KLHL33: variants seen among roughly 807,000 people sequenced by gnomAD.
KLHL33 encodes kelch like family member 33.
A neutral mutation model predicts 60.8 loss-of-function variants in KLHL33; 46 were observed. That is an observed-to-expected ratio of 0.76 (90% CI 0.60 to 0.97). The LOEUF is 0.97. Among genes scored for constraint, KLHL33 ranks in the 50% least tolerant of loss-of-function variants. KLHL33 has a pLI of 0.00. For synonymous variants in KLHL33, 434 were observed against 432.2 expected (o/e 1.00, Z -0.05); for missense variants, 1,055 against 1,000.0 (o/e 1.05, Z -0.74).
Position 20,435,626 on chromosome 14 carries a change from T to G in KLHL33, c.186A>C (p.Pro62=). 8.1e-7 allele frequency: 1 copy of G among 1,234,530 alleles called. No homozygotes were observed. The highest frequency in any genetic ancestry group is 3.2e-5 in the East Asian group (1 of 31,688). The allele number at this position is 1,234,530 out of a possible 1,614,324, so 76.5% of individuals were successfully genotyped here. Residue 62 remains proline, a synonymous_variant, in exon 2 of 5, where the codon CCA becomes CCC. Transcript: ENST00000636854. ...LEEPGSRPLV[P]RNLPFPALSL... The stretch of plus-strand genomic sequence containing the variant: ...ACAAGGCTGGAAAGGGAAGGTTCCT[T>G]GGGACCAGGGGCCTGGAACCAGGCT...
rs746483667 is a variant in KLHL33, at chr14:20,430,050, C to G, written c.1418G>C (p.Arg473Pro). ...ATCCCCGCCAATCACTACCAGTGCCCGGTCAGGCTCCCTCCGTCTCTCTTG... is the reference window on the plus strand; with the variant it reads ...ATCCCCGCCAATCACTACCAGTGCCGGGTCAGGCTCCCTCCGTCTCTCTTG... ...PGQERRREPD[R>P]ALVVIGGDGL... The change falls in exon 3 of 5, where the codon CGG becomes CCG. Residue 473 changes from arginine (R) to proline (P), a missense_variant. Arg to Pro is a moderately radical substitution (Grantham distance 103). Transcript: ENST00000636854. 6.4e-7 allele frequency: 1 copy of G among 1,551,638 alleles called. No individual in the cohort carries two copies. The highest frequency in any genetic ancestry group is 2.4e-5 in the East Asian group (1 of 40,934).
Position 20,429,022 on chromosome 14 carries a change from T to C in KLHL33, c.2221A>G (p.Thr741Ala). The C allele has an allele frequency of 1.9e-6, 3 of 1,551,708 alleles. No individual in the cohort carries two copies. The highest frequency in any genetic ancestry group is 1.7e-6 in the Non-Finnish European group (2 of 1,146,990). ...TGGATAAGGTGAGAGAGGGCATAAGTACGGTGACTGTAGCCCCCGAGCACC... is the reference window on the plus strand; with the variant it reads ...TGGATAAGGTGAGAGAGGGCATAAGCACGGTGACTGTAGCCCCCGAGCACC... ...LLVLGGYSHR[T>A]YALSHLIHAY... Residue 741 changes from threonine (T) to alanine (A), a missense_variant, in exon 5 of 5, where the codon ACT becomes GCT. Physicochemically the swap from Thr to Ala is moderately conservative, Grantham distance 58. Coordinates refer to ENST00000636854, the MANE Select transcript of KLHL33 (RefSeq NM_001365790.2).
rs60172509 is a variant in KLHL33 at position 20,428,299 on chromosome 14, C to T, written c.*550G>A. 14,045 of 152,958 alleles carry T rather than the reference C, an allele frequency of 0.092. 708 individuals are homozygous for T. Among genetic ancestry groups the T allele is most frequent in the East Asian group, 0.19 (986 of 5,184 alleles). 9.5% of individuals were successfully genotyped at this position (152,958 alleles called of 1,614,324 possible). ...CAGCCTGTGGTGTCTCGCTGGGAAACGCTAGACCAGGCCTACAAAGTTACC... is the reference window on the plus strand; with the variant it reads ...CAGCCTGTGGTGTCTCGCTGGGAAATGCTAGACCAGGCCTACAAAGTTACC... On this transcript the variant is annotated 3_prime_UTR_variant, in exon 5 of 5. Transcript: ENST00000636854.
rs1294148404 is a variant in KLHL33 at position 20,426,648 on chromosome 14, G to A, written c.*2201C>T. On this transcript the variant is annotated 3_prime_UTR_variant, in exon 5 of 5. Coordinates refer to ENST00000636854, the MANE Select transcript of KLHL33 (RefSeq NM_001365790.2). ...GCGATTCCTCAGGGACCTAGAACTA[G>A]AAATACCATTTGACCCAGCCATCCC... 6.6e-6 allele frequency: 1 copy of A among 151,998 alleles called. No individual in the cohort carries two copies. Among genetic ancestry groups the A allele is most frequent in the Non-Finnish European group, 1.5e-5 (1 of 67,980 alleles). 9.4% of individuals were successfully genotyped at this position (151,998 alleles called of 1,614,324 possible). A position where few individuals can be genotyped will look rare whatever the true frequency, so the allele number is the denominator to read the frequency against.
chr14:20,433,626 C>G (rs1880591460), intron 2 of KLHL33, among the ~76,000 whole-genome samples: 1 of 152,208 alleles, frequency 6.6e-6, no homozygotes, highest in Admixed American at 6.5e-5. Context: ...TTACTCATTA[C>G]TATACCCTAG....
At position 20,430,032 on chromosome 14, in the gene KLHL33, C is replaced by G. The variant is rs1880444065; in HGVS notation, c.1436G>C (p.Gly479Ala). ...CATGTCTGGTCTGAGCCCATCCCCG[C>G]CAATCACTACCAGTGCCCGGTCAGG... ...REPDRALVVI[G>A]GDGLRPDMAL... is the part of the protein sequence containing the mutation. Residue 479 changes from glycine to alanine, a missense_variant, in exon 3 of 5, where the codon GGC (glycine) becomes GCC (alanine). Transcript: ENST00000636854. 6 of 1,551,768 alleles carry G rather than the reference C, an allele frequency of 3.9e-6. No homozygotes were observed. Among genetic ancestry groups the G allele is most frequent in the Non-Finnish European group, 4.4e-6 (5 of 1,147,006 alleles).
In KLHL33 at chr14:20,428,628, C is replaced by T. The variant is rs553413329; in HGVS notation, c.*221G>A. On this transcript the variant is annotated 3_prime_UTR_variant, in exon 5 of 5. Transcript: ENST00000636854. ...TTGCTCCCGAGTCTCCTTTCCTCAC[C>T]TGGGTATTCAGCTGCCTCCCCTTTC... 76 of 539,518 alleles carry T rather than the reference C, an allele frequency of 1.4e-4. 1 individual carries two copies. The highest frequency in any genetic ancestry group is 1.2e-3 in the African/African-American group (65 of 53,058). The allele number at this position is 539,518 out of a possible 1,614,324, so 33.4% of individuals were successfully genotyped here.
rs1421471584 is a variant in KLHL33 at position 20,435,264 on chromosome 14, G to A, written c.548C>T (p.Ala183Val). Reference protein sequence around the residue: ...LGPASQGDVLAAAEALGAPRV... With the variant: ...LGPASQGDVLVAAEALGAPRV... ...GGGCGCTCCCAGCGCCTCTGCTGCG[G>A]CCAGCACATCCCCCTGCGAGGCGGG... Residue 183 changes from alanine (A) to valine (V), a missense_variant, in exon 2 of 5, where the codon GCC becomes GTC. Ala to Val is a moderately conservative substitution (Grantham distance 64). Coordinates refer to ENST00000636854, the MANE Select transcript of KLHL33 (RefSeq NM_001365790.2). 1.2e-5 allele frequency: 15 copies of A among 1,234,450 alleles called. No individual in the cohort carries two copies. The highest frequency in any genetic ancestry group is 1.5e-5 in the Non-Finnish European group (15 of 988,244). The allele number at this position is 1,234,450 out of a possible 1,614,324, so 76.5% of individuals were successfully genotyped here. A position where few individuals can be genotyped will look rare whatever the true frequency, so the allele number is the denominator to read the frequency against.
chr14:20,429,887 C>G lies in KLHL33; in HGVS notation c.1581G>C (p.Arg527=). 2 of 1,551,984 alleles carry G rather than the reference C, an allele frequency of 1.3e-6. No homozygotes were observed. Among genetic ancestry groups the G allele is most frequent in the African/African-American group, 2.7e-5 (2 of 73,184 alleles). The change falls in exon 3 of 5, where the codon CGG becomes CGC. Residue 527 remains arginine, a synonymous_variant. Transcript: ENST00000636854. Reference sequence around the variant, plus strand: ...TTCCTGCCAGGCTTGCAGCCCCATGCCGGAAGCGTCCGGGGGCAGGCAGGG... The same window carrying G: ...TTCCTGCCAGGCTTGCAGCCCCATGGCGGAAGCGTCCGGGGGCAGGCAGGG... ...LPALPAPGRF[R]HGAASLAGSE...
rs1452818286 is a variant in KLHL33, at chr14:20,427,751, G to C, written c.*1098C>G. ...TGCCTCCTACAGTGCCTGCCACACA[G>C]TAGGTAATTAATAACTGTGTGAGGG... On this transcript the variant is annotated 3_prime_UTR_variant, in exon 5 of 5. Coordinates refer to ENST00000636854, the MANE Select transcript of KLHL33 (RefSeq NM_001365790.2). 1 of 152,210 alleles carries C rather than the reference G, an allele frequency of 6.6e-6. No homozygotes were observed. The highest frequency in any genetic ancestry group is 1.5e-5 in the Non-Finnish European group (1 of 68,058). The allele number at this position is 152,210 out of a possible 1,614,324, so 9.4% of individuals were successfully genotyped here.
chr14:20,432,921 CAAAA>C (rs1344054096), intron 2 of KLHL33, among the ~76,000 whole-genome samples: 4 of 10,790 alleles, frequency 3.7e-4, no homozygotes, highest in African/African-American at 9.5e-4. Flanking sequence ...GATTCCATCT[CAAAA>C]AAAAGAAAGA....
At chr14:20,431,319 G>C (rs1007943481) in intron 2 of KLHL33, among the ~76,000 whole-genome samples, 1 of 152,136 alleles carries the variant, frequency 6.6e-6, no homozygotes. Context: ...AATGTTTTCC[G>C]TGCGTCCCAG....
intron 2 of KLHL33, 139 bp downstream of exon 2, chr14:20,434,925 A>T: frequency 4.1e-6 from 3 of 728,712 alleles, no homozygotes; most frequent in Non-Finnish European, 5.7e-6. Context: ...CAGGAGAGGC[A>T]CCAAAGGCCA....
rs547784419 is a variant in KLHL33 at position 20,427,254 on chromosome 14, T to G, written c.*1595A>C. On this transcript the variant is annotated 3_prime_UTR_variant, in exon 5 of 5. Coordinates refer to ENST00000636854, the MANE Select transcript of KLHL33 (RefSeq NM_001365790.2). ...TTGACCTAAACACACACAAAAAAAC[T>G]GACCCTTTTTTGCTCTCAGCTGTCC... The G allele has an allele frequency of 6.9e-6, 1 of 145,308 alleles. No homozygotes were observed. Among genetic ancestry groups the G allele is most frequent in the Non-Finnish European group, 1.5e-5 (1 of 65,950 alleles). 9.0% of individuals were successfully genotyped at this position (145,308 alleles called of 1,614,324 possible). A position where few individuals can be genotyped will look rare whatever the true frequency, so the allele number is the denominator to read the frequency against.
In KLHL33 at chr14:20,428,889, G is replaced by A; in HGVS notation, c.2354C>T (p.Ala785Val). The change falls in exon 5 of 5, where the codon GCT becomes GTT. Residue 785 changes from alanine to valine, a missense_variant. Coordinates refer to ENST00000636854, the MANE Select transcript of KLHL33 (RefSeq NM_001365790.2). ...ILTLPAVQHIALVPTPHQTKP... is the reference protein window; with the variant it reads ...ILTLPAVQHIVLVPTPHQTKP... ...GGTTTGGTGTGGGGTGGGAACCAAA[G>A]CTATGTGCTGCACAGCGGGCAGTGT... The A allele has an allele frequency of 6.4e-7, 1 of 1,551,758 alleles. No individual in the cohort carries two copies. Among genetic ancestry groups the A allele is most frequent in the South Asian group, 1.2e-5 (1 of 84,060 alleles).
Position 20,430,349 on chromosome 14 carries a change from A to G in KLHL33, c.1119T>C (p.Pro373=). 1 of 1,551,944 alleles carries G rather than the reference A, an allele frequency of 6.4e-7. No homozygotes were observed. Among genetic ancestry groups the G allele is most frequent in the East Asian group, 2.4e-5 (1 of 40,928 alleles). The change falls in exon 3 of 5, where the codon CCT becomes CCC. Residue 373 remains proline, a synonymous_variant. Transcript: ENST00000636854. ...AGGCAGCTGGTAAAGAAGGGAAAGC[A>G]GGACACAAGGCTACAGCAGGCAGGT... The part of the protein sequence containing the change: ...LTHLPAVALC[P]AFPSLPAACL...
chr14:20,427,084 A>G lies in KLHL33; in HGVS notation c.*1765T>C, dbSNP rs1246866556. ...GCATTAGGAGATATACCTAATGCTA[A>G]ATGACGAGTTAATGGGTGCAGCACA... On this transcript the variant is annotated 3_prime_UTR_variant, in exon 5 of 5. Transcript: ENST00000636854. 1 of 151,170 alleles carries G rather than the reference A, an allele frequency of 6.6e-6. No homozygotes were observed. The highest frequency in any genetic ancestry group is 1.5e-5 in the Non-Finnish European group (1 of 67,806). 9.4% of individuals were successfully genotyped at this position (151,170 alleles called of 1,614,324 possible). A position where few individuals can be genotyped will look rare whatever the true frequency, so the allele number is the denominator to read the frequency against.
At position 20,429,588 on chromosome 14, in the gene KLHL33, A is replaced by T; in HGVS notation, c.1755T>A (p.Asp585Glu). 6.4e-7 allele frequency: 1 copy of T among 1,552,082 alleles called. No individual in the cohort carries two copies. The highest frequency in any genetic ancestry group is 8.7e-7 in the Non-Finnish European group (1 of 1,147,074). ...ARSLFSLVAL[D>E]GKLYALGGRH... ...TTCCACCCAGGGCATAAAGTTTTCC[A>T]TCCAGTGCCACCAAGGAGAAAAGGC... Residue 585 changes from aspartate to glutamate, a missense_variant, in exon 4 of 5, where the codon GAT becomes GAA. Transcript: ENST00000636854.
Position 20,427,630 on chromosome 14 carries a change from TCTCGCAAGA to T in KLHL33, c.*1210_*1218del, listed in dbSNP as rs1880331848. The stretch of plus-strand genomic sequence containing the variant: ...GAGTTCACTGCTCTATCCTCTGGGC[TCTCGCAAGA>T]CTCGTCCATACATGTAAGTCCACTC... On this transcript the variant is annotated 3_prime_UTR_variant, in exon 5 of 5. Coordinates refer to ENST00000636854, the MANE Select transcript of KLHL33 (RefSeq NM_001365790.2). 6.6e-6 allele frequency: 1 copy of T among 152,192 alleles called. No individual in the cohort carries two copies. The highest frequency in any genetic ancestry group is 1.5e-5 in the Non-Finnish European group (1 of 68,052). 9.4% of individuals were successfully genotyped at this position (152,192 alleles called of 1,614,324 possible).
Sources: allele counts gnomAD v4.1 joint callset (sites outside exome capture counted in the v4.1 genomes callset), GRCh38; gene constraint gnomAD v4.1.1; transcripts MANE v1.5; gene names NCBI Gene and HGNC (gene_info 2026-07-23, HGNC 2026-07-21).